The following GNAS variants were observed in gnomAD, a reference collection of about 807,000 sequenced individuals.
The protein encoded by GNAS is GNAS complex locus, also known as protein ALEX.
Under a neutral mutation model 54.5 loss-of-function variants are expected in GNAS, and 8 were observed. The observed-to-expected ratio is 0.15, with a 90% confidence interval of 0.09 to 0.26. The LOEUF (loss-of-function observed/expected upper bound fraction) is 0.26. GNAS is among the 10% of genes least tolerant of loss of function. The probability of loss-of-function intolerance (pLI) is 1.00; values close to 1 mark genes in which losing one functional copy is unlikely to be tolerated. For missense variants in GNAS, 170 were observed against 529.8 expected, an observed-to-expected ratio of 0.32 and a Z score of 6.67; for synonymous variants, 204 against 191.4, an observed-to-expected ratio of 1.07 and a Z score of -0.54.
upstream of GNAS, among the ~76,000 whole-genome samples, chr20:58,890,319 G>A (rs2089057936): frequency 6.8e-6 from 1 of 147,192 alleles, no homozygotes; most frequent in African/African-American, 2.6e-5. Context: ...CGGGGGCGCC[G>A]AGGAGGGCGC....
chr20:58,882,741 T>C (rs1435043058), intron 1 of GNAS, among the ~76,000 whole-genome samples: 1 of 152,218 alleles, frequency 6.6e-6, no homozygotes, highest in Non-Finnish European at 1.5e-5. Flanking sequence ...AATCTATAAT[T>C]TGCTTGGCTA....
intron 6 of GNAS, among the ~76,000 whole-genome samples, chr20:58,905,832 AATACT>A (rs1187110390): frequency 6.6e-6 from 1 of 152,196 alleles, no homozygotes; most frequent in African/African-American, 2.4e-5. Context: ...ATAATGTAAA[AATACT>A]ATATTTTATT....
chr20:58,855,436 G>A, intron 1 of GNAS: 1 of 1,046,844 alleles, frequency 9.6e-7, no homozygotes, highest in Non-Finnish European at 1.5e-6. Context: ...GTGGGAGGAG[G>A]GGGTCCAGCC....
chr20:58,854,962 A>T, intron 1 of GNAS: 1 of 1,611,282 alleles, frequency 6.2e-7, no homozygotes, highest in Non-Finnish European at 8.5e-7. Context: ...GTGTACTACG[A>T]TGAAGGGGTG....
At chr20:58,877,011 G>A (rs1416619202) in intron 1 of GNAS, 1 of 152,252 alleles carries the variant, frequency 6.6e-6, no homozygotes, top group East Asian at 1.9e-4. Flanking sequence ...CAAAGGGCCT[G>A]ATTTCAGGCA....
At chr20:58,868,401 AC>A (rs1405476518) in intron 1 of GNAS, among the ~76,000 whole-genome samples, 3 of 147,100 alleles carry the variant, frequency 2.0e-5, no homozygotes, top group African/African-American at 7.5e-5. Context: ...TGATCCGCCC[AC>A]CTTGGCCTCC....
chr20:58,840,369 A>G (rs369511579), upstream of GNAS: 75 of 1,613,218 alleles, frequency 4.6e-5, no homozygotes, highest in Admixed American at 2.0e-4. The surrounding 1 kb of genome is among the most constrained non-coding windows in gnomAD (Gnocchi z 6.0). Context: ...GACCACGAGC[A>G]CGAGGAGGCA....
At chr20:58,890,286 G>A (rs2089044468), upstream of GNAS, among the ~76,000 whole-genome samples, 1 of 150,778 alleles carries the variant, frequency 6.6e-6, no homozygotes, top group Admixed American at 6.6e-5. Flanking sequence ...CGACGACGAC[G>A]AGGGCGCCGA....
chr20:58,910,952 C>T lies in GNAS; in HGVS notation c.*123C>T, dbSNP rs3730176. On this transcript the variant is annotated 3_prime_UTR_variant, in exon 13 of 13. Transcript: ENST00000371085. The surrounding 1 kb of genome is among the most constrained non-coding windows in gnomAD (Gnocchi z 5.8). ...TAACAAAGCAACCTTTCCCTTCCCC[C>T]GAGTGATTTTGCGAAACCCCCTTTT... is the stretch of plus-strand genomic sequence containing the variant. The T allele has an allele frequency of 2.4e-5, 24 of 1,009,420 alleles. No homozygotes were observed. The highest frequency in any genetic ancestry group is 7.5e-5 in the East Asian group (3 of 39,908). The allele number at this position is 1,009,420 out of a possible 1,614,324, so 62.5% of individuals were successfully genotyped here.
At chr20:58,895,483 A>G in intron 1 of GNAS, 129 bp from the exon 2 acceptor site, 1 of 713,334 alleles carries the variant, frequency 1.4e-6, no homozygotes, top group South Asian at 1.5e-5. Context: ...GAAAGTTGCA[A>G]GTCTGTGATT....
Position 58,883,265 on chromosome 20 carries a change from T to G in GNAS, c.44-12347T>G, listed in dbSNP as rs184589992. Among the ~76,000 whole-genome samples the G allele has an allele frequency of 3.3e-4, 50 of 152,350 alleles. No individual in the cohort carries two copies. In the East Asian group the frequency reaches 8.9e-3, roughly 27 times the overall value. On this transcript the variant is annotated intron_variant, in intron 1 of 12. Transcript: ENST00000306090. Reference sequence around the variant, plus strand: ...TATTTAGTTTTTTAAGCAAGTCTGCTTTGTGTTCTTTGTAAAGTCAGCGAC... The same window carrying G: ...TATTTAGTTTTTTAAGCAAGTCTGCGTTGTGTTCTTTGTAAAGTCAGCGAC...
intron 1 of GNAS, chr20:58,876,716 C>A (rs1346760190): frequency 6.6e-6 from 1 of 152,200 alleles, no homozygotes; most frequent in Non-Finnish European, 1.5e-5. Flanking sequence ...AGATGCAGAA[C>A]CTCTGTACTT....
At chr20:58,877,654 C>T (rs951463448) in intron 1 of GNAS, among the ~76,000 whole-genome samples, 9 of 152,200 alleles carry the variant, frequency 5.9e-5, no homozygotes, top group African/African-American at 2.2e-4. Flanking sequence ...CAGAAGCCAG[C>T]CGTGTTTTAG....
chr20:58,850,972 G>A (rs2086144794), intron 1 of GNAS: 2 of 398,518 alleles, frequency 5.0e-6, no homozygotes, highest in South Asian at 1.3e-4. Flanking sequence ...AGCCTTGATT[G>A]GCATGACCCC....
chr20:58,878,294 A>G (rs2087970262), intron 1 of GNAS, among the ~76,000 whole-genome samples: 1 of 152,252 alleles, frequency 6.6e-6, no homozygotes, highest in Admixed American at 6.5e-5. Flanking sequence ...CTATGCAGCA[A>G]CTTTTCTGAA....
At chr20:58,866,186 C>T (rs1028131041) in intron 1 of GNAS, among the ~76,000 whole-genome samples, 9 of 152,324 alleles carry the variant, frequency 5.9e-5, no homozygotes, top group African/African-American at 2.2e-4. Flanking sequence ...GTTGCTGGGT[C>T]TCCCTAGTCT....
At chr20:58,883,518 G>A (rs2088387546) in intron 1 of GNAS, among the ~76,000 whole-genome samples, 1 of 152,112 alleles carries the variant, frequency 6.6e-6, no homozygotes, top group Non-Finnish European at 1.5e-5. Flanking sequence ...GGTTGCAAAC[G>A]CTTGCCGCTT....
At chr20:58,886,827 A>G (rs1337527117), upstream of GNAS, among the ~76,000 whole-genome samples, 2 of 152,260 alleles carry the variant, frequency 1.3e-5, no homozygotes, top group Non-Finnish European at 2.9e-5. Flanking sequence ...CTGTAAACCC[A>G]TGATTCCACC....
chr20:58,909,502 CT>C lies in GNAS; in HGVS notation c.660-18del, dbSNP rs2091298140. ...ACCCCAGTCCCTCTGGAATAACCAG[CT>C]GTCCTCCTCCCCACCAGCATGTTTG... On this transcript the variant is annotated intron_variant, in intron 8 of 12. Coordinates refer to ENST00000371085, the MANE Select transcript of GNAS (RefSeq NM_000516.7). This position sits in a 1 kb window ranked among gnomAD's most constrained non-coding sequence, Gnocchi z 7.3. 9 of 1,613,912 alleles carry C rather than the reference CT, an allele frequency of 5.6e-6. No homozygotes were observed. Among genetic ancestry groups the C allele is most frequent in the Non-Finnish European group, 6.8e-6 (8 of 1,179,762 alleles).
Sources: gnomAD v4.1 joint callset for allele counts (sites outside exome capture counted in the v4.1 genomes callset) on GRCh38, gnomAD v4.1.1 for gene constraint, Gnocchi (gnomAD v3.1) non-coding constraint, MANE v1.5 for transcripts, NCBI Gene and HGNC (gene_info 2026-07-23, HGNC 2026-07-21) for gene names.